Variants in CORO2A observed in about 807,000 individuals in gnomAD.
The protein encoded by CORO2A is coronin 2A.
CORO2A carries 47 observed loss-of-function variants against 62.4 expected under a neutral mutation model. The ratio of observed to expected loss-of-function variants is 0.75; its 90% CI spans 0.60 to 0.96. CORO2A has a LOEUF of 0.96. Among genes scored for constraint, CORO2A ranks in the 40% least tolerant of loss-of-function variants. CORO2A has a pLI of 0.00. For missense variants in CORO2A, 610 were observed against 684.1 expected, an observed-to-expected ratio of 0.89 and a Z score of 1.21; for synonymous variants, 273 against 268.9, an observed-to-expected ratio of 1.02 and a Z score of -0.15.
intron 2 of CORO2A, among the ~76,000 whole-genome samples, chr9:98,156,333 C>A (rs545362773): frequency 3.1e-4 from 47 of 152,250 alleles, no homozygotes; most frequent in African/African-American, 1.1e-3. Flanking sequence ...AGCCACTGTA[C>A]CCGGCTCTAA....
chr9:98,180,025 A>G (rs1039632400), intron 1 of CORO2A, among the ~76,000 whole-genome samples: 4 of 151,800 alleles, frequency 2.6e-5, no homozygotes, highest in African/African-American at 9.7e-5. Flanking sequence ...ACAAAACAAA[A>G]CAGCAAGCAA....
intron 2 of CORO2A, among the ~76,000 whole-genome samples, chr9:98,148,440 AAAAG>A (rs1398369835): frequency 6.6e-6 from 1 of 151,578 alleles, no homozygotes; most frequent in Non-Finnish European, 1.5e-5. Context: ...AAAATTTAAA[AAAAG>A]AAAGAAGGAA....
At chr9:98,136,471 G>C (rs1025951947) in intron 3 of CORO2A, among the ~76,000 whole-genome samples, 2 of 152,204 alleles carry the variant, frequency 1.3e-5, no homozygotes, top group Admixed American at 1.3e-4. Context: ...TTTTGCCTTG[G>C]CTGCCAGGTA....
At chr9:98,125,025 C>T in intron 11 of CORO2A, 120 bp from the exon 12 acceptor site, 1 of 1,063,096 alleles carries the variant, frequency 9.4e-7, no homozygotes, top group Non-Finnish European at 1.3e-6. Context: ...TGGCTGAGGC[C>T]TGATGGGGCT....
chr9:98,144,391 C>A (rs1827614678), intron 2 of CORO2A, among the ~76,000 whole-genome samples: 1 of 152,160 alleles, frequency 6.6e-6, no homozygotes, highest in South Asian at 2.1e-4. Context: ...GACAGCAGAG[C>A]CAGGATTGGG....
chr9:98,154,352 T>TATATATATATATATACAC lies in CORO2A; in HGVS notation c.201+3107_201+3108insGTGTATATATATATATAT, dbSNP rs71369555. 2.9e-3 allele frequency among the ~76,000 whole-genome samples: 273 copies of TATATATATATATATACAC among 93,948 alleles called. 3 individuals are homozygous for TATATATATATATATACAC. Among genetic ancestry groups the TATATATATATATATACAC allele is most frequent in the African/African-American group, 6.3e-3 (169 of 26,770 alleles). 61.6% of individuals were successfully genotyped at this position (93,948 alleles called of 152,430 possible). Reference sequence around the variant, plus strand: ...GTGTATATATATATATATATATATATACACAAATACATATATATATATATT... The same window carrying TATATATATATATATACAC: ...GTGTATATATATATATATATATATATATATATATATATATACACACACAAATACATATATATATATATT... On this transcript the variant is annotated intron_variant, in intron 2 of 11. Coordinates refer to ENST00000375077, the MANE Select transcript of CORO2A (RefSeq NM_052820.4).
chr9:98,160,592 G>A (rs1544205), intron 1 of CORO2A, among the ~76,000 whole-genome samples: 20,505 of 152,230 alleles, frequency 0.13, 1,712 homozygotes, highest in East Asian at 0.26. Flanking sequence ...ACCTCCCTAG[G>A]GTCTTGGCAA....
At chr9:98,159,007 G>T (rs1204354464) in intron 1 of CORO2A, among the ~76,000 whole-genome samples, 1 of 151,906 alleles carries the variant, frequency 6.6e-6, no homozygotes, top group African/African-American at 2.4e-5. Context: ...TGGCCAGACG[G>T]ACCCTTCTGA....
intron 1 of CORO2A, among the ~76,000 whole-genome samples, chr9:98,167,116 A>AAAG (rs1232244012): frequency 1.3e-5 from 2 of 151,928 alleles, no homozygotes; most frequent in Non-Finnish European, 2.9e-5. Context: ...AAAAAAAAAA[A>AAAG]AAAGAAAGAA....
At chr9:98,192,203 C>T (rs540644275) in intron 1 of CORO2A, among the ~76,000 whole-genome samples, 6 of 152,340 alleles carry the variant, frequency 3.9e-5, no homozygotes, top group Admixed American at 2.0e-4. Context: ...CTGTCGGGAC[C>T]GGCTGGCCGC....
intron 2 of CORO2A, among the ~76,000 whole-genome samples, chr9:98,154,327 G>GTATATATATATATATATATATATA (rs1252469980): frequency 3.2e-5 from 3 of 93,266 alleles, no homozygotes; most frequent in Admixed American, 1.1e-4. Flanking sequence ...ATGTGTTTGT[G>GTATATATATATATATATATATATA]TGTATATATA....
chr9:98,131,844 G>A (rs927245413), intron 6 of CORO2A, among the ~76,000 whole-genome samples: 1 of 151,900 alleles, frequency 6.6e-6, no homozygotes, highest in Non-Finnish European at 1.5e-5. Flanking sequence ...CCCCATACCC[G>A]TTAGTACCTC....
chr9:98,149,215 AG>A lies in CORO2A; in HGVS notation c.201+8244del, dbSNP rs202116728. 5.3e-3 allele frequency among the ~76,000 whole-genome samples: 807 copies of A among 151,430 alleles called. 10 individuals carry two copies. The highest frequency in any genetic ancestry group is 0.019 in the African/African-American group (765 of 40,686). On this transcript the variant is annotated intron_variant, in intron 2 of 11. Coordinates refer to ENST00000375077, the MANE Select transcript of CORO2A (RefSeq NM_052820.4). ...GTCAAAATAAAACTTTTAATTAAAA[AG>A]AAAAAAGCAAAAATAACGATTTGTT...
intron 2 of CORO2A, among the ~76,000 whole-genome samples, chr9:98,151,758 G>A (rs1827726690): frequency 6.6e-6 from 1 of 151,280 alleles, no homozygotes; most frequent in African/African-American, 2.4e-5. Flanking sequence ...CGCCTCCTGG[G>A]TCCAAGCAAT....
At chr9:98,142,700 GT>G (rs761531666) in intron 2 of CORO2A, among the ~76,000 whole-genome samples, 23 of 152,222 alleles carry the variant, frequency 1.5e-4, no homozygotes, top group Admixed American at 7.2e-4. Flanking sequence ...GCGCCTTAGG[GT>G]TGGGCGTGGC....
At chr9:98,135,947 C>T (rs948829044) in intron 3 of CORO2A, among the ~76,000 whole-genome samples, 4 of 152,164 alleles carry the variant, frequency 2.6e-5, no homozygotes, top group Non-Finnish European at 5.9e-5. Flanking sequence ...GTACCACCCG[C>T]AACACTGAAG....
chr9:98,140,734 G>A (rs1827554085), intron 2 of CORO2A, among the ~76,000 whole-genome samples: 1 of 152,110 alleles, frequency 6.6e-6, no homozygotes, highest in African/African-American at 2.4e-5. Flanking sequence ...ATGGGCCACC[G>A]TGCCTGGCCT....
At chr9:98,189,150 CAA>C (rs537961941) in intron 1 of CORO2A, among the ~76,000 whole-genome samples, 19 of 152,102 alleles carry the variant, frequency 1.2e-4, no homozygotes, top group African/African-American at 4.6e-4. Context: ...TCTTGTAAGT[CAA>C]AAAAAGTCAC....
chr9:98,130,243 G>A (rs1050195190), intron 7 of CORO2A, among the ~76,000 whole-genome samples: 3 of 152,026 alleles, frequency 2.0e-5, no homozygotes, highest in African/African-American at 7.2e-5. Flanking sequence ...ACCACGCCTG[G>A]CTAATTTTTT....
Sources: allele counts gnomAD v4.1 joint callset (sites outside exome capture counted in the v4.1 genomes callset), GRCh38; gene constraint gnomAD v4.1.1; transcripts MANE v1.5; gene names NCBI Gene and HGNC (gene_info 2026-07-23, HGNC 2026-07-21).